AKAP6: variants seen among roughly 807,000 people sequenced by gnomAD.
AKAP6 encodes A-kinase anchor protein 6.
Under a neutral mutation model 188.5 loss-of-function variants are expected in AKAP6, and 58 were observed. The observed-to-expected ratio is 0.31, with a 90% confidence interval of 0.25 to 0.38. AKAP6 has a LOEUF of 0.38. Among genes scored for constraint, AKAP6 ranks in the 10% least tolerant of loss-of-function variants. The probability of loss-of-function intolerance (pLI) is 1.00; values close to 1 mark genes in which losing one functional copy is unlikely to be tolerated. For synonymous variants in AKAP6, 989 were observed against 998.6 expected, an observed-to-expected ratio of 0.99 and a Z score of 0.18; for missense variants, 2,710 against 2,740.0, an observed-to-expected ratio of 0.99 and a Z score of 0.24.
chr14:32,776,316 G>A (rs2033060535), intron 12 of AKAP6, among the ~76,000 whole-genome samples: 1 of 152,154 alleles, frequency 6.6e-6, no homozygotes. Context: ...CTGTTCTCAT[G>A]GTAGTGAATA....
intron 1 of AKAP6, among the ~76,000 whole-genome samples, chr14:32,414,466 C>T (rs1203837795): frequency 1.3e-5 from 2 of 152,098 alleles, no homozygotes; most frequent in Non-Finnish European, 2.9e-5. Flanking sequence ...ACCGGTATTA[C>T]ATGACCCATG....
chr14:32,508,924 C>T (rs1160130559), intron 2 of AKAP6, among the ~76,000 whole-genome samples: 3 of 150,126 alleles, frequency 2.0e-5, no homozygotes, highest in Admixed American at 6.6e-5. Context: ...CTCCTGGGTT[C>T]AGCGATTCTC....
At chr14:32,510,082 G>A (rs1214451934) in intron 2 of AKAP6, among the ~76,000 whole-genome samples, 1 of 151,876 alleles carries the variant, frequency 6.6e-6, no homozygotes, top group Non-Finnish European at 1.5e-5. Flanking sequence ...CTTTGTGGGC[G>A]GAGCGCTTAA....
intron 2 of AKAP6, among the ~76,000 whole-genome samples, chr14:32,472,012 C>T (rs1454527382): frequency 1.3e-5 from 2 of 152,110 alleles, no homozygotes; most frequent in African/African-American, 2.4e-5. Context: ...TGAGAATTTA[C>T]TTTTTGTCAT....
chr14:32,640,564 C>T (rs554996486), intron 7 of AKAP6, among the ~76,000 whole-genome samples: 2 of 152,078 alleles, frequency 1.3e-5, no homozygotes, highest in African/African-American at 4.8e-5. Flanking sequence ...CAAATGTAAA[C>T]ACCTGTTGTA....
chr14:32,371,796 T>C (rs1287596802), intron 1 of AKAP6, among the ~76,000 whole-genome samples: 1 of 152,054 alleles, frequency 6.6e-6, no homozygotes, highest in Non-Finnish European at 1.5e-5. Flanking sequence ...GGAACTAAGG[T>C]GTAGCTTGGA....
chr14:32,598,896 C>G (rs61983030), intron 5 of AKAP6, among the ~76,000 whole-genome samples: 1,832 of 152,250 alleles, frequency 0.012, 16 homozygotes, highest in Non-Finnish European at 0.019. Context: ...AGACATTTAA[C>G]TCCTCAGTGC....
At chr14:32,332,863 C>T (rs1054713140) in intron 1 of AKAP6, among the ~76,000 whole-genome samples, 1 of 152,100 alleles carries the variant, frequency 6.6e-6, no homozygotes, top group African/African-American at 2.4e-5. Flanking sequence ...GAATGACAGT[C>T]TTGTGTAATA....
At chr14:32,588,643 C>T (rs1885352508) in intron 5 of AKAP6, among the ~76,000 whole-genome samples, 2 of 152,158 alleles carry the variant, frequency 1.3e-5, no homozygotes, top group Non-Finnish European at 2.9e-5. Context: ...TAGGTGACTG[C>T]CACATGGTGG....
chr14:32,581,877 C>G (rs1884984456), intron 5 of AKAP6, among the ~76,000 whole-genome samples: 1 of 152,080 alleles, frequency 6.6e-6, no homozygotes, highest in African/African-American at 2.4e-5. Flanking sequence ...TTATTTTGAG[C>G]CTATGTGTGT....
chr14:32,662,985 A>G (rs979252844), intron 7 of AKAP6, among the ~76,000 whole-genome samples: 1 of 152,034 alleles, frequency 6.6e-6, no homozygotes, highest in African/African-American at 2.4e-5. Context: ...TTATTTACCA[A>G]TTTTGGTGGT....
chr14:32,618,190 A>C (rs965481897), intron 7 of AKAP6, among the ~76,000 whole-genome samples: 6 of 152,168 alleles, frequency 3.9e-5, no homozygotes, highest in Non-Finnish European at 7.4e-5. Context: ...ACTTTTTTCT[A>C]CCATTAAAAA....
intron 1 of AKAP6, chr14:32,376,043 C>G (rs1888148210): frequency 1.3e-5 from 2 of 152,092 alleles, no homozygotes; most frequent in Admixed American, 6.5e-5. Flanking sequence ...ATGAGATGCT[C>G]TGAAAAAAAG....
intron 4 of AKAP6, among the ~76,000 whole-genome samples, chr14:32,554,846 C>G (rs979409430): frequency 6.6e-6 from 1 of 152,104 alleles, no homozygotes; most frequent in South Asian, 2.1e-4. Context: ...GCGCATGGTC[C>G]GCCTCTCACA....
At chr14:32,575,803 G>A (rs1476681934) in intron 4 of AKAP6, among the ~76,000 whole-genome samples, 1 of 152,134 alleles carries the variant, frequency 6.6e-6, no homozygotes, top group Non-Finnish European at 1.5e-5. Context: ...TATGTGGGAT[G>A]ATAGACTGAG....
intron 9 of AKAP6, among the ~76,000 whole-genome samples, chr14:32,706,540 G>A (rs954349338): frequency 1.3e-5 from 2 of 152,118 alleles, no homozygotes; most frequent in African/African-American, 4.8e-5. Context: ...GTTACTAAAG[G>A]AGGGTCCCCA....
At chr14:32,661,733 G>C (rs910969428) in intron 7 of AKAP6, among the ~76,000 whole-genome samples, 1 of 152,058 alleles carries the variant, frequency 6.6e-6, no homozygotes, top group Non-Finnish European at 1.5e-5. Context: ...AAAAGCACTG[G>C]AGTTGGAGCC....
chr14:32,790,588 ATTTTC>A (rs1050481027), intron 12 of AKAP6, among the ~76,000 whole-genome samples: 3 of 151,804 alleles, frequency 2.0e-5, no homozygotes, highest in Admixed American at 6.6e-5. Flanking sequence ...AAAGAAAATA[ATTTTC>A]TTTTCTTAAT....
intron 5 of AKAP6, among the ~76,000 whole-genome samples, chr14:32,580,675 G>A (rs1032956648): frequency 2.6e-5 from 4 of 151,976 alleles, no homozygotes; most frequent in Non-Finnish European, 2.9e-5. Context: ...TTAGCATTAG[G>A]TATATCTCCT....
Sources: allele counts gnomAD v4.1 joint callset (sites outside exome capture counted in the v4.1 genomes callset), GRCh38; gene constraint gnomAD v4.1.1; transcripts MANE v1.5; gene names NCBI Gene and HGNC (gene_info 2026-07-23, HGNC 2026-07-21).